SUGCT: variants seen among roughly 807,000 people sequenced by gnomAD.
SUGCT encodes succinyl-CoA:glutarate-CoA transferase.
Under a neutral mutation model 55.0 loss-of-function variants are expected in SUGCT, and 41 were observed. That is an observed-to-expected ratio of 0.74 (90% CI 0.58 to 0.97). The LOEUF (loss-of-function observed/expected upper bound fraction) is 0.97, where lower values mean the gene tolerates loss of function less well. Ranked by LOEUF, SUGCT falls within the 50% of genes least tolerant of loss-of-function variation. The probability of loss-of-function intolerance (pLI) is 0.00; values close to 1 mark genes in which losing one functional copy is unlikely to be tolerated. For synonymous variants in SUGCT, 187 were observed against 200.4 expected, an observed-to-expected ratio of 0.93 and a Z score of 0.56; for missense variants, 568 against 547.8, an observed-to-expected ratio of 1.04 and a Z score of -0.37.
chr7:40,668,895 C>G (rs566265300), intron 12 of SUGCT, among the ~76,000 whole-genome samples: 2 of 152,172 alleles, frequency 1.3e-5, no homozygotes, highest in Admixed American at 6.5e-5. Flanking sequence ...GGAGCCTAGA[C>G]TTCTACCCTT....
At chr7:40,194,310 G>T (rs1786113612) in intron 5 of SUGCT, among the ~76,000 whole-genome samples, 1 of 152,190 alleles carries the variant, frequency 6.6e-6, no homozygotes, top group African/African-American at 2.4e-5. Context: ...CTCCCAGGCT[G>T]GAGTGCAGTG....
chr7:40,813,217 T>C (rs1791510055), intron 13 of SUGCT, among the ~76,000 whole-genome samples: 1 of 152,156 alleles, frequency 6.6e-6, no homozygotes, highest in Non-Finnish European at 1.5e-5. Flanking sequence ...GTAGATGTCT[T>C]TTGGGTCCAT....
At chr7:40,555,805 C>G (rs1795530556) in intron 12 of SUGCT, among the ~76,000 whole-genome samples, 1 of 151,648 alleles carries the variant, frequency 6.6e-6, no homozygotes, top group Admixed American at 6.6e-5. Flanking sequence ...TGTGGCTGCT[C>G]ATGTTTGAAT....
intron 13 of SUGCT, among the ~76,000 whole-genome samples, chr7:40,817,225 G>C (rs1234709714): frequency 6.6e-6 from 1 of 152,166 alleles, no homozygotes; most frequent in African/African-American, 2.4e-5. Context: ...TTTTAAAACT[G>C]GTCCTCTACC....
At chr7:40,443,865 T>C (rs1055745019) in intron 9 of SUGCT, among the ~76,000 whole-genome samples, 1 of 152,204 alleles carries the variant, frequency 6.6e-6, no homozygotes, top group African/African-American at 2.4e-5. Flanking sequence ...GGTCTAACAT[T>C]TAAGTCTTTA....
intron 7 of SUGCT, among the ~76,000 whole-genome samples, chr7:40,242,209 T>C (rs1789453086): frequency 6.6e-6 from 1 of 151,690 alleles, no homozygotes; most frequent in African/African-American, 2.4e-5. Context: ...TCCTCACTCT[T>C]GTCACCCAGG....
chr7:40,608,190 G>T (rs1198114461), intron 12 of SUGCT, among the ~76,000 whole-genome samples: 2 of 152,156 alleles, frequency 1.3e-5, no homozygotes, highest in Non-Finnish European at 2.9e-5. Context: ...ACATGAAGTA[G>T]ATCAGGATAT....
intron 1 of SUGCT, among the ~76,000 whole-genome samples, chr7:40,170,327 G>C (rs1432087969): frequency 6.6e-6 from 1 of 152,164 alleles, no homozygotes. Flanking sequence ...TCAGATCAAA[G>C]GATTGTCCTA....
chr7:40,459,222 C>A (rs1789658319), intron 11 of SUGCT, 24 bp downstream of exon 11: 3 of 1,434,674 alleles, frequency 2.1e-6, no homozygotes, highest in Non-Finnish European at 2.9e-6. Flanking sequence ...TTGTATTCAT[C>A]CATTTAAGAA....
At chr7:40,294,906 C>T (rs906061430) in intron 8 of SUGCT, among the ~76,000 whole-genome samples, 18 of 152,158 alleles carry the variant, frequency 1.2e-4, no homozygotes, top group African/African-American at 4.1e-4. Context: ...GCTAGCTTAG[C>T]TGTCAGTTGG....
At chr7:40,993,088 A>T in the SUGCT span, among the ~76,000 whole-genome samples, 1 of 152,070 alleles carries the variant, frequency 6.6e-6, no homozygotes, top group Admixed American at 6.6e-5. Flanking sequence ...CTGATTCAGG[A>T]GTTCTTGCAT....
intron 1 of SUGCT, among the ~76,000 whole-genome samples, chr7:40,174,619 G>A (rs149796526): frequency 2.2e-3 from 330 of 152,186 alleles, no homozygotes; most frequent in Non-Finnish European, 4.0e-3. Flanking sequence ...CCTAGCCTGG[G>A]CAACAAAGCC....
chr7:40,405,837 C>CCAATGA (rs71000119), intron 9 of SUGCT, among the ~76,000 whole-genome samples: 1,915 of 148,804 alleles, frequency 0.013, 20 homozygotes, highest in Non-Finnish European at 0.018. Context: ...AAAAGAAAAA[C>CCAATGA]CAATGAGGAA....
chr7:40,439,115 TAGAG>T (rs1249502218), intron 9 of SUGCT, among the ~76,000 whole-genome samples: 9 of 118,408 alleles, frequency 7.6e-5, no homozygotes, highest in Admixed American at 1.8e-4. Flanking sequence ...TATATATGGA[TAGAG>T]AGAGAGAGAG....
intron 13 of SUGCT, among the ~76,000 whole-genome samples, chr7:40,791,070 G>A (rs1188486717): frequency 2.0e-5 from 3 of 152,088 alleles, no homozygotes; most frequent in South Asian, 2.1e-4. Flanking sequence ...TGTTCAAAAA[G>A]CAAACAAAAA....
At chr7:40,371,419 T>A (rs190033222) in intron 9 of SUGCT, among the ~76,000 whole-genome samples, 1 of 152,290 alleles carries the variant, frequency 6.6e-6, no homozygotes, top group East Asian at 1.9e-4. Flanking sequence ...AAAGATTGAC[T>A]GTGTAATAGA....
At chr7:40,392,311 G>T (rs962876095) in intron 9 of SUGCT, among the ~76,000 whole-genome samples, 5 of 152,002 alleles carry the variant, frequency 3.3e-5, no homozygotes, top group Non-Finnish European at 7.4e-5. Flanking sequence ...ATAAAGAATA[G>T]TCATAATACA....
intron 9 of SUGCT, among the ~76,000 whole-genome samples, chr7:40,376,297 GTAGA>G (rs1277407384): frequency 1.3e-5 from 2 of 151,930 alleles, no homozygotes; most frequent in Non-Finnish European, 2.9e-5. Context: ...TTATCTTTCT[GTAGA>G]TAATTAGTTG....
At chr7:40,349,304 T>C (rs960696455) in intron 9 of SUGCT, among the ~76,000 whole-genome samples, 1 of 152,194 alleles carries the variant, frequency 6.6e-6, no homozygotes, top group Non-Finnish European at 1.5e-5. Flanking sequence ...TCCTTCCCTT[T>C]TGATACATTT....
Sources: gnomAD v4.1 joint callset for allele counts (sites outside exome capture counted in the v4.1 genomes callset) on GRCh38, gnomAD v4.1.1 for gene constraint, MANE v1.5 for transcripts, NCBI Gene and HGNC (gene_info 2026-07-23, HGNC 2026-07-21) for gene names.